Variants in GABRG3 observed in about 807,000 individuals in gnomAD.
GABRG3 encodes the protein gamma-aminobutyric acid receptor subunit gamma-3.
GABRG3 carries 25 observed loss-of-function variants against 48.8 expected under a neutral mutation model. The ratio of observed to expected loss-of-function variants is 0.51; its 90% CI spans 0.37 to 0.72. GABRG3 has a LOEUF of 0.72. Ranked by LOEUF, GABRG3 falls within the 30% of genes least tolerant of loss-of-function variation. The pLI, the probability that GABRG3 is intolerant of heterozygous loss-of-function variation, is 0.00. For synonymous variants in GABRG3, 227 were observed against 217.6 expected, an observed-to-expected ratio of 1.04 and a Z score of -0.38; for missense variants, 394 against 577.9, an observed-to-expected ratio of 0.68 and a Z score of 3.26.
At chr15:27,524,179 A>G (rs1566878886) in intron 7 of GABRG3, among the ~76,000 whole-genome samples, 1 of 152,100 alleles carries the variant, frequency 6.6e-6, no homozygotes, top group Non-Finnish European at 1.5e-5. Context: ...TTGAATGACA[A>G]TGGATTTCTC....
chr15:27,350,235 G>T, intron 5 of GABRG3: 1 of 454,842 alleles, frequency 2.2e-6, no homozygotes, highest in Non-Finnish European at 4.4e-6. Context: ...GCTTCCATTC[G>T]TGGGGAAATG....
At position 27,388,309 on chromosome 15, in the gene GABRG3, GGAGGGAGGGA is replaced by G. The variant is rs1566818474; in HGVS notation, c.574+59422_574+59431del. On this transcript the variant is annotated intron_variant, in intron 5 of 9. Transcript: ENST00000615808. ...GAAGGAAGAAAAGAAGGAAGGAAAG[GGAGGGAGGGA>G]AAAGAAGGAAGGAAGGAAAGGTGGG... Among the ~76,000 whole-genome samples, 11 of 33,142 alleles carry G rather than the reference GGAGGGAGGGA, an allele frequency of 3.3e-4. 4 individuals are homozygous for G. Among genetic ancestry groups the G allele is most frequent in the East Asian group, 2.2e-3 (1 of 460 alleles). 21.7% of individuals were successfully genotyped at this position (33,142 alleles called of 152,430 possible). A position where few individuals can be genotyped will look rare whatever the true frequency, so the allele number is the denominator to read the frequency against.
chr15:27,227,685 A>G (rs961448506), intron 3 of GABRG3, among the ~76,000 whole-genome samples: 2 of 152,026 alleles, frequency 1.3e-5, no homozygotes, highest in Non-Finnish European at 2.9e-5. Flanking sequence ...TCTATTTCTA[A>G]AGAAAAAAAA....
At chr15:27,270,078 C>T (rs1004343063) in intron 3 of GABRG3, among the ~76,000 whole-genome samples, 1 of 152,072 alleles carries the variant, frequency 6.6e-6, no homozygotes, top group East Asian at 1.9e-4. Context: ...AAAGGGAAGT[C>T]AGGAATAGAT....
intron 7 of GABRG3, among the ~76,000 whole-genome samples, chr15:27,522,410 C>T (rs1223678598): frequency 6.6e-6 from 1 of 151,388 alleles, no homozygotes; most frequent in Non-Finnish European, 1.5e-5. Flanking sequence ...TGAAAAACAT[C>T]AGAAATGGTA....
chr15:27,307,705 A>G (rs1412891665), intron 3 of GABRG3, among the ~76,000 whole-genome samples: 4 of 133,536 alleles, frequency 3.0e-5, no homozygotes, highest in African/African-American at 1.1e-4. Context: ...ATATTTATAT[A>G]TAAACCTATA....
chr15:27,011,837 G>C (rs1392749234), intron 2 of GABRG3, among the ~76,000 whole-genome samples: 2 of 130,252 alleles, frequency 1.5e-5, no homozygotes, highest in Non-Finnish European at 3.3e-5. Context: ...GACAGAGCAA[G>C]ACTCCGTCTC....
In GABRG3 at chr15:27,322,988, C is replaced by T. The variant is rs368877666; in HGVS notation, c.271-3821C>T. 4.4e-4 allele frequency among the ~76,000 whole-genome samples: 67 copies of T among 152,198 alleles called. 1 individual carries two copies. Among genetic ancestry groups the T allele is most frequent in the African/African-American group, 1.6e-3 (67 of 41,524 alleles). On this transcript the variant is annotated intron_variant, in intron 3 of 9. Transcript: ENST00000615808. The stretch of plus-strand genomic sequence containing the variant: ...GCCTCCTGGGAGGGATGCTAGAACA[C>T]GCCTTCCATCCAGCTCTGTGTTCTC...
intron 5 of GABRG3, among the ~76,000 whole-genome samples, chr15:27,459,920 C>G (rs1276053931): frequency 1.3e-5 from 2 of 151,944 alleles, no homozygotes; most frequent in Non-Finnish European, 2.9e-5. Context: ...TTTATAGTCG[C>G]TTGTTTCTGG....
chr15:27,082,531 T>G, intron 3 of GABRG3, among the ~76,000 whole-genome samples: 1 of 152,154 alleles, frequency 6.6e-6, no homozygotes, highest in African/African-American at 2.4e-5. Flanking sequence ...TGCCCTGCAT[T>G]AAATGGAACC....
intron 3 of GABRG3, chr15:27,280,400 C>G (rs1333827142): frequency 6.6e-6 from 1 of 152,130 alleles, no homozygotes; most frequent in East Asian, 1.9e-4. Context: ...TGAGATCAGA[C>G]TAGATTGGAA....
At chr15:27,274,741 T>C (rs1445083061) in intron 3 of GABRG3, among the ~76,000 whole-genome samples, 1 of 152,184 alleles carries the variant, frequency 6.6e-6, no homozygotes, top group Admixed American at 6.5e-5. Context: ...TTCCTACTTA[T>C]ATAACACAGA....
intron 6 of GABRG3, chr15:27,481,268 T>C: frequency 5.3e-6 from 5 of 947,832 alleles, no homozygotes; most frequent in Non-Finnish European, 6.3e-6. Context: ...CAATTTGATT[T>C]TATGAAGTGA....
intron 3 of GABRG3, among the ~76,000 whole-genome samples, chr15:27,073,595 TCTA>T (rs1192939677): frequency 2.0e-5 from 3 of 152,254 alleles, no homozygotes; most frequent in African/African-American, 7.2e-5. Flanking sequence ...TCCCTTTTCT[TCTA>T]CTGTTTATTT....
At chr15:27,030,748 G>A (rs1017530075) in intron 3 of GABRG3, among the ~76,000 whole-genome samples, 1 of 152,096 alleles carries the variant, frequency 6.6e-6, no homozygotes, top group Non-Finnish European at 1.5e-5. Flanking sequence ...CCATAGTGGA[G>A]AAGATATTGA....
intron 7 of GABRG3, among the ~76,000 whole-genome samples, chr15:27,520,851 C>A (rs1417738765): frequency 1.4e-5 from 2 of 145,724 alleles, no homozygotes; most frequent in Non-Finnish European, 3.0e-5. Flanking sequence ...ATTTCTGCAA[C>A]ATCTCTCATA....
intron 5 of GABRG3, among the ~76,000 whole-genome samples, chr15:27,427,223 C>T (rs569530805): frequency 6.6e-6 from 1 of 152,238 alleles, no homozygotes; most frequent in South Asian, 2.1e-4. Flanking sequence ...TTAAATGCCT[C>T]GTCCTAATTC....
intron 5 of GABRG3, among the ~76,000 whole-genome samples, chr15:27,414,022 A>G (rs1887873580): frequency 6.6e-6 from 1 of 152,196 alleles, no homozygotes; most frequent in South Asian, 2.1e-4. Flanking sequence ...TAATGCTCAC[A>G]GCCTTTCTTT....
intron 5 of GABRG3, among the ~76,000 whole-genome samples, chr15:27,416,879 T>C (rs1254204447): frequency 1.3e-5 from 2 of 152,244 alleles, no homozygotes; most frequent in Admixed American, 1.3e-4. Flanking sequence ...TACCTGTTTT[T>C]CACAATTCTC....
Sources: allele counts gnomAD v4.1 joint callset (sites outside exome capture counted in the v4.1 genomes callset), GRCh38; gene constraint gnomAD v4.1.1; transcripts MANE v1.5; gene names NCBI Gene and HGNC (gene_info 2026-07-23, HGNC 2026-07-21).